The following DNAH5 variants were observed in gnomAD, a reference collection of about 807,000 sequenced individuals.
DNAH5 encodes axonemal beta dynein heavy chain 5.
A neutral mutation model predicts 518.2 loss-of-function variants in DNAH5; 372 were observed. That is an observed-to-expected ratio of 0.72 (90% CI 0.66 to 0.78). The LOEUF is 0.78. DNAH5 is among the 30% of genes least tolerant of loss of function. DNAH5 has a pLI of 0.00. For missense variants in DNAH5, 5,523 were observed against 5,687.0 expected (o/e 0.97, Z 0.93); for synonymous variants, 2,039 against 2,025.9 (o/e 1.01, Z -0.17).
In DNAH5 at chr5:13,758,838, G is replaced by A. The variant is rs780730089; in HGVS notation, c.10419+8C>T. Reference sequence around the variant, plus strand: ...GTGACAGTCCCTGCCATGACAAAGGGCAGTTACCTGCTTTTCAGTCATGGC... The same window carrying A: ...GTGACAGTCCCTGCCATGACAAAGGACAGTTACCTGCTTTTCAGTCATGGC... On this transcript the variant is annotated splice_region_variant and intron_variant, in intron 61 of 78. Transcript: ENST00000265104. The A allele has an allele frequency of 5.6e-6, 9 of 1,614,094 alleles. No homozygotes were observed. Among genetic ancestry groups the A allele is most frequent in the Non-Finnish European group, 7.6e-6 (9 of 1,180,002 alleles).
intron 58 of DNAH5, among the ~76,000 whole-genome samples, chr5:13,768,274 G>C (rs1580136237): frequency 6.6e-6 from 1 of 152,148 alleles, no homozygotes; most frequent in South Asian, 2.1e-4. Flanking sequence ...CAGGAGATCT[G>C]ATGGTTTCAA....
At chr5:13,997,986 G>A (rs1438220762) in intron 1 of DNAH5, among the ~76,000 whole-genome samples, 1 of 152,004 alleles carries the variant, frequency 6.6e-6, no homozygotes, top group East Asian at 1.9e-4. Flanking sequence ...TGGGACTACA[G>A]GCATGTACCA....
At chr5:13,858,440 G>T (rs1767933660) in intron 30 of DNAH5, among the ~76,000 whole-genome samples, 1 of 152,138 alleles carries the variant, frequency 6.6e-6, no homozygotes, top group African/African-American at 2.4e-5. Context: ...CAAGGGGAGG[G>T]ATAGCATTAG....
chr5:13,968,369 G>T (rs1358657226), intron 1 of DNAH5, among the ~76,000 whole-genome samples: 1 of 152,160 alleles, frequency 6.6e-6, no homozygotes, highest in African/African-American at 2.4e-5. Flanking sequence ...AGTGGTGAAA[G>T]TGGGCATCCT....
chr5:13,912,863 CTTAA>C (rs1220237745), intron 11 of DNAH5, among the ~76,000 whole-genome samples: 1 of 151,816 alleles, frequency 6.6e-6, no homozygotes, highest in African/African-American at 2.4e-5. Context: ...ACTCAATCTA[CTTAA>C]TTATTTTCTT....
chr5:13,718,969 A>C lies in DNAH5; in HGVS notation c.12412T>G (p.Phe4138Val). The change falls in exon 72 of 79, where the codon TTT becomes GTT. Residue 4138 changes from phenylalanine to valine, a missense_variant. This residue lies in a region of DNAH5 where 5,121 missense variants were observed against 5,223.3 expected (regional missense o/e 0.98). Transcript: ENST00000265104. ...LWMTTEAHKQ[F>V]PITLLQMSIK... ...GACATCTGAAGGAGTGTAATGGGAAACTGCTTATGAGCCTCGGTGGTCATC... is the reference window on the plus strand; with the variant it reads ...GACATCTGAAGGAGTGTAATGGGAACCTGCTTATGAGCCTCGGTGGTCATC... The C allele has an allele frequency of 6.2e-7, 1 of 1,613,974 alleles. No individual in the cohort carries two copies.
At chr5:13,828,123 T>C (rs986185138) in intron 38 of DNAH5, among the ~76,000 whole-genome samples, 2 of 152,148 alleles carry the variant, frequency 1.3e-5, no homozygotes, top group African/African-American at 4.8e-5. Flanking sequence ...ACCAAGAATG[T>C]TGGGAGACAA....
intron 5 of DNAH5, 33 bp downstream of exon 5, chr5:13,922,074 T>C: frequency 6.2e-7 from 1 of 1,605,758 alleles, no homozygotes. Context: ...GACCACCTGA[T>C]CATTTTTAAA....
rs1202193203 is a variant in DNAH5 at position 13,920,511 on chromosome 5, C to A, written c.767G>T (p.Cys256Phe). Residue 256 changes from cysteine to phenylalanine, a missense_variant, in exon 6 of 79, where the codon TGC becomes TTC. Cys to Phe is a radical substitution (Grantham distance 205). This residue lies in a region of DNAH5 where 5,121 missense variants were observed against 5,223.3 expected (regional missense o/e 0.98). Coordinates refer to ENST00000265104, the MANE Select transcript of DNAH5 (RefSeq NM_001369.3). ...TGTCTGTTTGATCCATACTTTCATG[C>A]AATCCTCTATTTTTCCCAAAGTCTC... ...NPETLGKIED[C>F]MKVWIKQTEQ... 1.2e-6 allele frequency: 2 copies of A among 1,614,058 alleles called. No individual in the cohort carries two copies. Among genetic ancestry groups the A allele is most frequent in the Non-Finnish European group, 1.7e-6 (2 of 1,180,032 alleles).
intron 69 of DNAH5, 138 bp from the exon 70 acceptor site, chr5:13,727,794 A>T: frequency 1.0e-6 from 1 of 1,004,288 alleles, no homozygotes; most frequent in African/African-American, 1.6e-5. Context: ...TTTATTTTAT[A>T]TTATAGAAAG....
At chr5:13,961,179 T>C (rs1781151854) in intron 1 of DNAH5, among the ~76,000 whole-genome samples, 1 of 152,172 alleles carries the variant, frequency 6.6e-6, no homozygotes, top group South Asian at 2.1e-4. Context: ...TCTGTATATA[T>C]TTAATAATAT....
At chr5:13,888,674 G>A (rs767058467) in intron 17 of DNAH5, among the ~76,000 whole-genome samples, 1 of 152,198 alleles carries the variant, frequency 6.6e-6, no homozygotes, top group Non-Finnish European at 1.5e-5. Context: ...AGTGTTTGTT[G>A]GAAGTGAAAT....
intron 35 of DNAH5, among the ~76,000 whole-genome samples, chr5:13,833,231 G>C (rs1022896724): frequency 1.3e-5 from 2 of 151,902 alleles, no homozygotes; most frequent in African/African-American, 4.8e-5. Context: ...ACGAGGTCAG[G>C]AGTTCAAGAC....
chr5:13,973,177 C>T (rs1011211090), intron 1 of DNAH5, among the ~76,000 whole-genome samples: 10 of 152,124 alleles, frequency 6.6e-5, no homozygotes, highest in African/African-American at 9.7e-5. Flanking sequence ...AGGGCTGTTG[C>T]AGCAATGCCA....
chr5:13,944,129 A>G (rs1231558008), intron 1 of DNAH5, among the ~76,000 whole-genome samples: 6 of 152,232 alleles, frequency 3.9e-5, no homozygotes, highest in Non-Finnish European at 5.9e-5. Context: ...CATCTTCCCA[A>G]AAGATGCAGC....
chr5:13,852,136 G>A lies in DNAH5; in HGVS notation c.4951-1321C>T, dbSNP rs146293061. Among the ~76,000 whole-genome samples, 577 of 152,178 alleles carry A rather than the reference G, an allele frequency of 3.8e-3. 6 individuals carry two copies. Among genetic ancestry groups the A allele is most frequent in the African/African-American group, 0.013 (552 of 41,532 alleles). On this transcript the variant is annotated intron_variant, in intron 30 of 78. Coordinates refer to ENST00000265104, the MANE Select transcript of DNAH5 (RefSeq NM_001369.3). Reference sequence around the variant, plus strand: ...GTTTCAAGCACAAAATTCGGTGGCCGTTTGGGTAGACACTGAGCTAGCTGC... The same window carrying A: ...GTTTCAAGCACAAAATTCGGTGGCCATTTGGGTAGACACTGAGCTAGCTGC...
At chr5:13,819,308 G>A (rs1761922344) in intron 41 of DNAH5, among the ~76,000 whole-genome samples, 1 of 152,176 alleles carries the variant, frequency 6.6e-6, no homozygotes, top group Non-Finnish European at 1.5e-5. Context: ...AGAGGTAGAT[G>A]TTAGCTGAGA....
At chr5:13,887,582 C>T (rs1344643585) in intron 17 of DNAH5, among the ~76,000 whole-genome samples, 1 of 152,164 alleles carries the variant, frequency 6.6e-6, no homozygotes, top group African/African-American at 2.4e-5. Context: ...CTTGAATAAT[C>T]AGCATGGGGC....
At chr5:13,858,902 A>C (rs888886273) in intron 30 of DNAH5, among the ~76,000 whole-genome samples, 14 of 152,214 alleles carry the variant, frequency 9.2e-5, no homozygotes, top group Non-Finnish European at 1.3e-4. Flanking sequence ...TCATTTAAAA[A>C]TCTCAAAATA....
Sources: gnomAD v4.1 joint callset for allele counts (sites outside exome capture counted in the v4.1 genomes callset) on GRCh38, gnomAD v4.1.1 for gene constraint, gnomAD v4.1.1 regional missense constraint, MANE v1.5 for transcripts, NCBI Gene and HGNC (gene_info 2026-07-23, HGNC 2026-07-21) for gene names.